Variants in FRAS1 observed in about 807,000 individuals in gnomAD.
FRAS1 encodes extracellular matrix organizing protein FRAS1.
Under a neutral mutation model 435.2 loss-of-function variants are expected in FRAS1, and 290 were observed. The observed-to-expected ratio is 0.67, with a 90% CI of 0.61 to 0.73. The LOEUF is 0.73. Ranked by LOEUF, FRAS1 falls within the 30% of genes least tolerant of loss-of-function variation. The probability of loss-of-function intolerance (pLI) is 0.00; values close to 1 mark genes in which losing one functional copy is unlikely to be tolerated. For synonymous variants in FRAS1, 1,800 were observed against 1,851.0 expected, an observed-to-expected ratio of 0.97 and a Z score of 0.71; for missense variants, 4,860 against 5,001.5, an observed-to-expected ratio of 0.97 and a Z score of 0.85.
intron 20 of FRAS1, among the ~76,000 whole-genome samples, chr4:78,346,457 G>A (rs1730608136): frequency 6.6e-6 from 1 of 152,098 alleles, no homozygotes; most frequent in African/African-American, 2.4e-5. Flanking sequence ...CCTGGAGCTG[G>A]GCTCTGAATC....
chr4:78,065,252 T>C (rs1392088823), intron 1 of FRAS1, among the ~76,000 whole-genome samples: 1 of 148,102 alleles, frequency 6.8e-6, no homozygotes, highest in East Asian at 1.9e-4. Flanking sequence ...TACATGTGTA[T>C]ATATATGTAT....
intron 20 of FRAS1, among the ~76,000 whole-genome samples, chr4:78,347,200 C>T (rs1578266531): frequency 6.6e-6 from 1 of 152,200 alleles, no homozygotes; most frequent in African/African-American, 2.4e-5. Context: ...CATTTAGTTA[C>T]CTTTGCTTCT....
chr4:78,260,453 C>G lies in FRAS1; in HGVS notation c.604-4572C>G, dbSNP rs940124713. Among the ~76,000 whole-genome samples the G allele has an allele frequency of 1.2e-3, 178 of 152,170 alleles. 2 individuals are homozygous for G. Among genetic ancestry groups the G allele is most frequent in the East Asian group, 1.9e-4 (1 of 5,184 alleles). ...AAGTTGGATTCCTAGGTATTTTATT[C>G]TCTTTGAAGCAATTGTGAACGGGAG... is the stretch of plus-strand genomic sequence containing the variant. On this transcript the variant is annotated intron_variant, in intron 6 of 73. Coordinates refer to ENST00000512123, the MANE Select transcript of FRAS1 (RefSeq NM_025074.7).
intron 2 of FRAS1, among the ~76,000 whole-genome samples, chr4:78,115,200 G>T (rs1225221026): frequency 6.6e-6 from 1 of 151,378 alleles, no homozygotes; most frequent in South Asian, 2.1e-4. Context: ...TGGTGGATAC[G>T]CTTATTGATG....
intron 51 of FRAS1, among the ~76,000 whole-genome samples, chr4:78,470,404 G>A (rs1475831609): frequency 1.3e-5 from 2 of 152,100 alleles, no homozygotes; most frequent in Non-Finnish European, 2.9e-5. Flanking sequence ...GGCTCTACAT[G>A]AGCACTTAGA....
chr4:78,321,082 AT>A (rs1215933405), intron 18 of FRAS1, among the ~76,000 whole-genome samples: 9 of 152,226 alleles, frequency 5.9e-5, no homozygotes, highest in Non-Finnish European at 1.3e-4. Context: ...AATAGTTAGA[AT>A]TGTAAATAAA....
Position 78,534,498 on chromosome 4 carries a change from G to A in FRAS1, c.10975G>A (p.Val3659Met), listed in dbSNP as rs1263084929. 9 of 1,613,668 alleles carry A rather than the reference G, an allele frequency of 5.6e-6. No homozygotes were observed. Among genetic ancestry groups the A allele is most frequent in the South Asian group, 1.1e-5 (1 of 91,070 alleles). ...GCAGACCAACCGCCCTGTGCCAGTT[G>A]TGTATTCACTTAACACTGAATTTCA... ...FQQTNRPVPV[V>M]YSLNTEFQLC... The change falls in exon 71 of 74, where the codon GTG (valine) becomes ATG (methionine). Residue 3659 changes from valine to methionine, a missense_variant. Transcript: ENST00000512123.
At chr4:78,504,218 G>A (rs1486527725) in intron 61 of FRAS1, among the ~76,000 whole-genome samples, 1 of 152,176 alleles carries the variant, frequency 6.6e-6, no homozygotes, top group Admixed American at 6.5e-5. Context: ...GAGTTCTGTA[G>A]CTGTCTATTA....
At chr4:78,251,917 T>C (rs1725548024) in intron 4 of FRAS1, among the ~76,000 whole-genome samples, 1 of 132,534 alleles carries the variant, frequency 7.5e-6, no homozygotes, top group African/African-American at 2.6e-5. Flanking sequence ...ACTGGAACAG[T>C]TGAGAGAGAG....
intron 67 of FRAS1, among the ~76,000 whole-genome samples, chr4:78,519,726 G>C (rs531644833): frequency 6.6e-6 from 1 of 152,314 alleles, no homozygotes; most frequent in East Asian, 1.9e-4. Flanking sequence ...TGACAAATGA[G>C]TCCTCTACTG....
chr4:78,407,655 C>T lies in FRAS1; in HGVS notation c.4130-8C>T. ...CCCTCACTAACTATGTGGCCTGTGC[C>T]TTCCTAGGGGAGGTGGTCCTTCTAG... On this transcript the variant is annotated splice_polypyrimidine_tract_variant and splice_region_variant and intron_variant, in intron 30 of 73. Transcript: ENST00000512123. 2 of 1,607,588 alleles carry T rather than the reference C, an allele frequency of 1.2e-6. No individual in the cohort carries two copies. The highest frequency in any genetic ancestry group is 8.5e-7 in the Non-Finnish European group (1 of 1,177,168).
At chr4:78,307,762 C>T (rs933638843) in intron 14 of FRAS1, among the ~76,000 whole-genome samples, 7 of 152,204 alleles carry the variant, frequency 4.6e-5, no homozygotes, top group Non-Finnish European at 8.8e-5. Flanking sequence ...GTCTGGCATT[C>T]CTTAGTGAGA....
At chr4:78,150,945 T>C (rs910153505) in intron 2 of FRAS1, among the ~76,000 whole-genome samples, 4 of 152,222 alleles carry the variant, frequency 2.6e-5, no homozygotes, top group Admixed American at 2.6e-4. Context: ...TTGCATTTTA[T>C]TGTCTTATGC....
chr4:78,236,285 T>C (rs2110113464), intron 2 of FRAS1, among the ~76,000 whole-genome samples: 1 of 83,494 alleles, frequency 1.2e-5, no homozygotes, highest in South Asian at 6.2e-4. Flanking sequence ...ATGAAATAGT[T>C]GCATTTATTT....
chr4:78,509,131 G>T (rs902765431), intron 63 of FRAS1, 125 bp downstream of exon 63: 5 of 1,063,348 alleles, frequency 4.7e-6, no homozygotes, highest in South Asian at 4.4e-5. Context: ...AAATAAGCAG[G>T]TGCACAGTCT....
Position 78,464,487 on chromosome 4 carries a change from G to T in FRAS1, c.6933G>T (p.Ser2311=). The T allele has an allele frequency of 6.2e-7, 1 of 1,613,946 alleles. No homozygotes were observed. The highest frequency in any genetic ancestry group is 8.5e-7 in the Non-Finnish European group (1 of 1,179,854). The change falls in exon 49 of 74, where the codon TCG becomes TCT. Residue 2311 remains serine (S), a synonymous_variant. Transcript: ENST00000512123. ...FHITLHPVDD[S]LPVVQNLGMR... ...TCACTCTTCACCCTGTCGATGATTC[G>T]CTGCCCGTCGTACAGAACTTAGGAA...
chr4:78,413,373 G>A (rs1733427504), intron 32 of FRAS1, among the ~76,000 whole-genome samples: 1 of 152,162 alleles, frequency 6.6e-6, no homozygotes, highest in African/African-American at 2.4e-5. Flanking sequence ...AAATTTGGAG[G>A]AAATTTCAGG....
chr4:78,269,033 G>C (rs1021431812), intron 9 of FRAS1, among the ~76,000 whole-genome samples: 1 of 152,130 alleles, frequency 6.6e-6, no homozygotes, highest in Non-Finnish European at 1.5e-5. Flanking sequence ...AAAGCCCTGG[G>C]TTCTAAACTA....
At chr4:78,295,831 G>A (rs562084329) in intron 14 of FRAS1, among the ~76,000 whole-genome samples, 4 of 150,474 alleles carry the variant, frequency 2.7e-5, no homozygotes, top group South Asian at 2.1e-4. Context: ...TGTAACCTCC[G>A]CCTGCCCAGG....
Sources: gnomAD v4.1 joint callset for allele counts (sites outside exome capture counted in the v4.1 genomes callset) on GRCh38, gnomAD v4.1.1 for gene constraint, MANE v1.5 for transcripts, NCBI Gene and HGNC (gene_info 2026-07-23, HGNC 2026-07-21) for gene names.